Variants in DTNA observed in about 807,000 individuals in gnomAD.
DTNA encodes dystrophin-related protein 3.
Under a neutral mutation model 100.7 loss-of-function variants are expected in DTNA, and 43 were observed. The observed-to-expected ratio is 0.43, with a 90% confidence interval of 0.33 to 0.55. DTNA has a LOEUF of 0.55. Ranked by LOEUF, DTNA falls within the 20% of genes least tolerant of loss-of-function variation. DTNA has a pLI of 0.04. For synonymous variants in DTNA, 349 were observed against 347.9 expected, an observed-to-expected ratio of 1.00 and a Z score of -0.04; for missense variants, 798 against 953.9, an observed-to-expected ratio of 0.84 and a Z score of 2.15.
At chr18:34,703,500 C>T (rs2081677889) in intron 1 of DTNA, among the ~76,000 whole-genome samples, 1 of 152,138 alleles carries the variant, frequency 6.6e-6, no homozygotes, top group Non-Finnish European at 1.5e-5. Flanking sequence ...GTTTATTGTT[C>T]ACCATCTTAC....
At chr18:34,697,800 C>G (rs16965776) in intron 1 of DTNA, among the ~76,000 whole-genome samples, 5,335 of 152,062 alleles carry the variant, frequency 0.035, 299 homozygotes, top group African/African-American at 0.12. Flanking sequence ...TGTGGCCTGC[C>G]CTTGAGGGAA....
chr18:34,731,202 G>A (rs1232253361), intron 1 of DTNA, among the ~76,000 whole-genome samples: 3 of 152,198 alleles, frequency 2.0e-5, no homozygotes, highest in East Asian at 1.9e-4. Context: ...ATTTGTGGCC[G>A]GGCGCGGTGG....
intron 1 of DTNA, among the ~76,000 whole-genome samples, chr18:34,684,538 A>C (rs1241004714): frequency 2.6e-5 from 4 of 152,132 alleles, no homozygotes; most frequent in Admixed American, 6.5e-5. Context: ...TTCTTTATCC[A>C]GTCTAACATT....
intron 1 of DTNA, among the ~76,000 whole-genome samples, chr18:34,676,187 A>G (rs917426208): frequency 2.3e-4 from 35 of 152,196 alleles, no homozygotes; most frequent in Non-Finnish European, 7.3e-5. Flanking sequence ...GTTTAAATTG[A>G]TATCATTGGT....
intron 1 of DTNA, among the ~76,000 whole-genome samples, chr18:34,736,551 T>C (rs1270567238): frequency 1.3e-5 from 2 of 152,050 alleles, no homozygotes; most frequent in African/African-American, 4.8e-5. Flanking sequence ...CTAAAACTAG[T>C]AGGGTGGACA....
At chr18:34,848,560 A>G (rs563095456) in intron 14 of DTNA, among the ~76,000 whole-genome samples, 177 bp downstream of exon 14, 1 of 152,228 alleles carries the variant, frequency 6.6e-6, no homozygotes, top group South Asian at 2.1e-4. Flanking sequence ...CAGTTTAAAA[A>G]TGGAAGACTT....
intron 21 of DTNA, among the ~76,000 whole-genome samples, chr18:34,884,217 A>G (rs2096901018): frequency 6.6e-6 from 1 of 152,192 alleles, no homozygotes. Flanking sequence ...TCTGTATTTC[A>G]GTGGCAGCAG....
At chr18:34,642,509 C>T (rs2059390260) in intron 1 of DTNA, among the ~76,000 whole-genome samples, 1 of 151,632 alleles carries the variant, frequency 6.6e-6, no homozygotes, top group Non-Finnish European at 1.5e-5. Context: ...TCCTTCCTTT[C>T]TTTCTTTCCT....
chr18:34,838,486 G>A (rs1176742230), intron 12 of DTNA, among the ~76,000 whole-genome samples: 1 of 152,156 alleles, frequency 6.6e-6, no homozygotes, highest in Non-Finnish European at 1.5e-5. Context: ...GGCCTTAGTG[G>A]TTGAAAAATG....
chr18:34,661,183 C>T (rs1191553837), intron 1 of DTNA, among the ~76,000 whole-genome samples: 1 of 152,158 alleles, frequency 6.6e-6, no homozygotes, highest in Admixed American at 6.6e-5. Context: ...AGTGGAGCTT[C>T]TAAACAAAGA....
intron 3 of DTNA, among the ~76,000 whole-genome samples, chr18:34,766,529 G>T (rs530485700): frequency 3.3e-5 from 5 of 151,886 alleles, no homozygotes; most frequent in South Asian, 2.1e-4. Flanking sequence ...GTTGTGGTGT[G>T]GGAGGAAGGG....
intron 1 of DTNA, among the ~76,000 whole-genome samples, chr18:34,623,659 G>A (rs1177206401): frequency 6.6e-6 from 1 of 152,122 alleles, no homozygotes; most frequent in Non-Finnish European, 1.5e-5. Flanking sequence ...CAATCAATAA[G>A]TACTTTTAAG....
intron 3 of DTNA, among the ~76,000 whole-genome samples, chr18:34,780,039 G>C (rs541464168): frequency 6.6e-6 from 1 of 152,084 alleles, no homozygotes; most frequent in African/African-American, 2.4e-5. Flanking sequence ...TCAATCTCAT[G>C]AGCCAAATGT....
At chr18:34,592,992 A>G (rs1042374155) in intron 1 of DTNA, among the ~76,000 whole-genome samples, 2 of 152,214 alleles carry the variant, frequency 1.3e-5, no homozygotes, top group Admixed American at 6.5e-5. Flanking sequence ...AGGAATGCCA[A>G]TCAGAGAACA....
At chr18:34,837,446 T>C (rs561990254) in intron 11 of DTNA, among the ~76,000 whole-genome samples, 1 of 152,328 alleles carries the variant, frequency 6.6e-6, no homozygotes, top group South Asian at 2.1e-4. Context: ...AATGAGTAGT[T>C]CCCATAATGA....
chr18:34,693,803 G>T (rs1174846733), intron 1 of DTNA, among the ~76,000 whole-genome samples: 1 of 149,570 alleles, frequency 6.7e-6, no homozygotes, highest in Non-Finnish European at 1.5e-5. Context: ...TAGCCTAAAG[G>T]CACTAAACTG....
At chr18:34,803,639 G>C (rs1415394312) in intron 4 of DTNA, among the ~76,000 whole-genome samples, 1 of 152,084 alleles carries the variant, frequency 6.6e-6, no homozygotes, top group South Asian at 2.1e-4. Context: ...TCCATACCTT[G>C]TAGACTTTAC....
intron 20 of DTNA, among the ~76,000 whole-genome samples, chr18:34,880,108 G>A (rs1214274857): frequency 6.6e-6 from 1 of 152,164 alleles, no homozygotes; most frequent in Non-Finnish European, 1.5e-5. Flanking sequence ...CATGACATTG[G>A]AGAGGTCTCT....
intron 2 of DTNA, among the ~76,000 whole-genome samples, chr18:34,757,793 A>G (rs2092881107): frequency 6.6e-6 from 1 of 152,220 alleles, no homozygotes; most frequent in Non-Finnish European, 1.5e-5. Flanking sequence ...TTTCATAGAA[A>G]CATCACAGTG....
Sources: allele counts gnomAD v4.1 joint callset (sites outside exome capture counted in the v4.1 genomes callset), GRCh38; gene constraint gnomAD v4.1.1; transcripts MANE v1.5; gene names NCBI Gene and HGNC (gene_info 2026-07-23, HGNC 2026-07-21).